ABLIM3: variants seen among roughly 807,000 people sequenced by gnomAD.
ABLIM3 encodes the protein actin binding LIM protein family member 3, also known as actin-binding LIM protein 3.
Under a neutral mutation model 109.5 loss-of-function variants are expected in ABLIM3, and 61 were observed. The ratio of observed to expected loss-of-function variants is 0.56; its 90% CI spans 0.45 to 0.69. The LOEUF (loss-of-function observed/expected upper bound fraction) is 0.69, where lower values mean the gene tolerates loss of function less well. Ranked by LOEUF, ABLIM3 falls within the 30% of genes least tolerant of loss-of-function variation. The pLI, the probability that ABLIM3 is intolerant of heterozygous loss-of-function variation, is 0.00. For synonymous variants in ABLIM3, 300 were observed against 324.8 expected (o/e 0.92, Z 0.82); for missense variants, 796 against 889.5 (o/e 0.89, Z 1.34).
At chr5:149,214,837 G>T (rs1190395774) in intron 7 of ABLIM3, among the ~76,000 whole-genome samples, 1 of 152,108 alleles carries the variant, frequency 6.6e-6, no homozygotes, top group African/African-American at 2.4e-5. Context: ...CCACAACCTG[G>T]TTTGCTTGTT....
intron 2 of ABLIM3, chr5:149,177,146 T>A (rs1182616416): frequency 2.0e-5 from 3 of 152,344 alleles, no homozygotes; most frequent in African/African-American, 7.2e-5. Context: ...CACTGAGGTG[T>A]AATGGTGAAC....
intron 23 of ABLIM3, among the ~76,000 whole-genome samples, chr5:149,256,250 G>T (rs1257451764): frequency 6.6e-6 from 1 of 152,018 alleles, no homozygotes; most frequent in African/African-American, 2.4e-5. Context: ...TCATAACAAA[G>T]ATTTTTTAAC....
intron 17 of ABLIM3, 32 bp downstream of exon 17, chr5:149,246,578 C>T (rs1474519131): frequency 6.2e-7 from 1 of 1,609,380 alleles, no homozygotes; most frequent in African/African-American, 1.3e-5. Flanking sequence ...GAATATGATG[C>T]TTAGAGCGTA....
At chr5:149,239,104 G>A (rs563725949) in intron 11 of ABLIM3, 144 bp from the exon 12 acceptor site, 24 of 760,022 alleles carry the variant, frequency 3.2e-5, no homozygotes, top group East Asian at 5.2e-5. Context: ...AATTCCCAGC[G>A]AGGCTGTTAT....
At chr5:149,235,151 C>T (rs942677803) in intron 10 of ABLIM3, among the ~76,000 whole-genome samples, 4 of 152,202 alleles carry the variant, frequency 2.6e-5, no homozygotes, top group Non-Finnish European at 5.9e-5. Context: ...TTTATGGTGC[C>T]TCATGCTCAG....
intron 4 of ABLIM3, among the ~76,000 whole-genome samples, chr5:149,199,819 C>T (rs1190285792): frequency 6.6e-6 from 1 of 152,122 alleles, no homozygotes; most frequent in African/African-American, 2.4e-5. Context: ...TTTGAGACTC[C>T]CCAGCTGTGG....
chr5:149,150,211 C>A (rs1041726246), intron 2 of ABLIM3, among the ~76,000 whole-genome samples: 2 of 152,208 alleles, frequency 1.3e-5, no homozygotes, highest in African/African-American at 4.8e-5. Flanking sequence ...TAGAAGACAC[C>A]CAGCACACGG....
Position 149,245,073 on chromosome 5 carries a change from G to T in ABLIM3, c.1486+58G>T, listed in dbSNP as rs1753217625. On this transcript the variant is annotated intron_variant, in intron 16 of 23. Coordinates refer to ENST00000309868, the MANE Select transcript of ABLIM3 (RefSeq NM_014945.5). ...CCTAACACCTGTGCCAAGGACACGG[G>T]TGTTCAGAACAGTTGCCCACTCCTT... 37 of 1,608,594 alleles carry T rather than the reference G, an allele frequency of 2.3e-5. No individual in the cohort carries two copies. In the Admixed American group the frequency reaches 6.0e-4, roughly 26 times the overall value.
chr5:149,242,282 G>A (rs41291953), intron 14 of ABLIM3, among the ~76,000 whole-genome samples: 10,568 of 152,124 alleles, frequency 0.069, 858 homozygotes, highest in African/African-American at 0.2. Flanking sequence ...TCCTCTTCCC[G>A]CACCTTACTT....
At chr5:149,210,096 A>C (rs1243155108) in intron 6 of ABLIM3, among the ~76,000 whole-genome samples, 1 of 152,134 alleles carries the variant, frequency 6.6e-6, no homozygotes, top group Non-Finnish European at 1.5e-5. Flanking sequence ...CTGAGAACCA[A>C]ATGTCCTCCT....
At chr5:149,253,151 G>A (rs1754105753) in intron 23 of ABLIM3, among the ~76,000 whole-genome samples, 3 of 152,178 alleles carry the variant, frequency 2.0e-5, no homozygotes, top group Admixed American at 2.0e-4. Flanking sequence ...GGTGCACAGG[G>A]ACAGTAAGTC....
chr5:149,259,724 G>T lies in ABLIM3; in HGVS notation c.*1320G>T, dbSNP rs1366947406. The T allele has an allele frequency of 1.1e-6, 1 of 887,848 alleles. No homozygotes were observed. Among genetic ancestry groups the T allele is most frequent in the Non-Finnish European group, 1.7e-6 (1 of 575,254 alleles). 55.0% of individuals were successfully genotyped at this position (887,848 alleles called of 1,614,324 possible). ...CTTTCACCTTGAATGGGTAATGTTT[G>T]GTGGGGGCTGTTCCTTCTTGGAGAA... On this transcript the variant is annotated 3_prime_UTR_variant, in exon 24 of 24. Transcript: ENST00000309868.
At chr5:149,252,555 G>T in intron 22 of ABLIM3, 1 of 575,834 alleles carries the variant, frequency 1.7e-6, no homozygotes, top group Non-Finnish European at 3.1e-6. Flanking sequence ...GTAGTATTAG[G>T]GGACTCTCTT....
At chr5:149,167,811 A>G (rs1459067993) in intron 2 of ABLIM3, among the ~76,000 whole-genome samples, 1 of 152,182 alleles carries the variant, frequency 6.6e-6, no homozygotes, top group Non-Finnish European at 1.5e-5. Context: ...ATCAACAGAG[A>G]GTACCCAGGA....
intron 18 of ABLIM3, among the ~76,000 whole-genome samples, chr5:149,249,523 G>A (rs1403852658): frequency 1.3e-5 from 2 of 152,220 alleles, no homozygotes; most frequent in African/African-American, 4.8e-5. Context: ...GGTCTGTGCA[G>A]TGCACCAGTG....
At position 149,216,191 on chromosome 5, in the gene ABLIM3, C is replaced by T. The variant is rs181095267; in HGVS notation, c.670-768C>T. Among the ~76,000 whole-genome samples the T allele has an allele frequency of 9.7e-4, 147 of 152,206 alleles. 5 individuals carry two copies. In the South Asian group the frequency reaches 0.024, roughly 25 times the overall value. ...GCCCTAAAAATCTGTCCTTTGTGTGCCAGTCTCACAATTTTTGCCATGTCT... is the reference window on the plus strand; with the variant it reads ...GCCCTAAAAATCTGTCCTTTGTGTGTCAGTCTCACAATTTTTGCCATGTCT... On this transcript the variant is annotated intron_variant, in intron 7 of 23. Coordinates refer to ENST00000309868, the MANE Select transcript of ABLIM3 (RefSeq NM_014945.5).
chr5:149,202,212 G>A lies in ABLIM3; in HGVS notation c.448+1784G>A, dbSNP rs146142612. 7.2e-3 allele frequency among the ~76,000 whole-genome samples: 1,097 copies of A among 152,260 alleles called. 16 individuals carry two copies. Among genetic ancestry groups the A allele is most frequent in the African/African-American group, 0.026 (1,066 of 41,560 alleles). On this transcript the variant is annotated intron_variant, in intron 5 of 23. Coordinates refer to ENST00000309868, the MANE Select transcript of ABLIM3 (RefSeq NM_014945.5). Reference sequence around the variant, plus strand: ...GTGGGATATTTCTTCAGCTGAATGTGGGAGTCTCACATGTGAGTATGTTTT... The same window carrying A: ...GTGGGATATTTCTTCAGCTGAATGTAGGAGTCTCACATGTGAGTATGTTTT...
intron 7 of ABLIM3, chr5:149,216,692 T>A (rs1760123295): frequency 2.4e-6 from 1 of 419,198 alleles, no homozygotes; most frequent in Non-Finnish European, 4.3e-6. Flanking sequence ...ACCAGTGGCC[T>A]CTCAAGTGTC....
chr5:149,258,205 G>T, intron 23 of ABLIM3, 86 bp from the exon 24 acceptor site: 2 of 1,240,940 alleles, frequency 1.6e-6, no homozygotes, highest in Non-Finnish European at 2.3e-6. Flanking sequence ...AGCACCCACT[G>T]CTGCCTCCAG....
Sources: gnomAD v4.1 joint callset for allele counts (sites outside exome capture counted in the v4.1 genomes callset) on GRCh38, gnomAD v4.1.1 for gene constraint, MANE v1.5 for transcripts, NCBI Gene and HGNC (gene_info 2026-07-23, HGNC 2026-07-21) for gene names.